Variants in PRDM11 observed in about 807,000 individuals in gnomAD.
The protein encoded by PRDM11 is PR domain-containing protein 11.
Under a neutral mutation model 97.8 loss-of-function variants are expected in PRDM11, and 20 were observed. That is an observed-to-expected ratio of 0.20 (90% confidence interval 0.14 to 0.30). PRDM11 has a LOEUF of 0.30. Ranked by LOEUF, PRDM11 falls within the 10% of genes least tolerant of loss-of-function variation. The pLI is 1.00. For missense variants in PRDM11, 1,139 were observed against 1,555.2 expected (o/e 0.73, Z 4.50); for synonymous variants, 599 against 637.7 (o/e 0.94, Z 0.91).
At chr11:45,172,768 C>T (rs1283046715) in intron 1 of PRDM11, among the ~76,000 whole-genome samples, 1 of 152,178 alleles carries the variant, frequency 6.6e-6, no homozygotes, top group Non-Finnish European at 1.5e-5. Context: ...AGGTTATGTG[C>T]ATATACTATG....
intron 1 of PRDM11, among the ~76,000 whole-genome samples, chr11:45,165,338 A>C (rs7937820): frequency 1.7e-3 from 265 of 152,306 alleles, no homozygotes; most frequent in Non-Finnish European, 3.1e-3. Flanking sequence ...ATATGTATTG[A>C]GCCCTGCCGG....
intron 1 of PRDM11, among the ~76,000 whole-genome samples, chr11:45,137,427 C>T (rs1852889674): frequency 6.7e-6 from 1 of 148,796 alleles, no homozygotes; most frequent in Non-Finnish European, 1.5e-5. Context: ...GAGACTCCGT[C>T]TCAAAAAAAA....
At chr11:45,142,917 T>C (rs757858193), upstream of PRDM11, among the ~76,000 whole-genome samples, 1 of 152,094 alleles carries the variant, frequency 6.6e-6, no homozygotes, top group Non-Finnish European at 1.5e-5. Flanking sequence ...ACATCTTTAA[T>C]AAAAGGCAGA....
chr11:45,226,754 A>G lies in PRDM11; in HGVS notation c.2129A>G (p.Asp710Gly). Residue 710 changes from aspartate (D) to glycine (G), a missense_variant, in exon 8 of 8, where the codon GAC (aspartate) becomes GGC (glycine). By Grantham distance (94) the Asp-to-Gly change is moderately conservative. Transcript: ENST00000683152. ...ACAGAAAGCTATCTCCAGGCACTTGACCGGGCCTTCTCGGCCTTGGGCATC... is the reference window on the plus strand; with the variant it reads ...ACAGAAAGCTATCTCCAGGCACTTGGCCGGGCCTTCTCGGCCTTGGGCATC... ...SSTESYLQAL[D>G]RAFSALGIRL... The G allele has an allele frequency of 6.5e-7, 1 of 1,533,938 alleles. No homozygotes were observed. The highest frequency in any genetic ancestry group is 8.7e-7 in the Non-Finnish European group (1 of 1,146,722).
At chr11:45,183,184 A>AG in intron 4 of PRDM11, 61 bp downstream of exon 4, 1 of 1,547,476 alleles carries the variant, frequency 6.5e-7, no homozygotes, top group Non-Finnish European at 8.7e-7. Flanking sequence ...GGAAACCACC[A>AG]GGGGGAGCCA....
intron 1 of PRDM11, among the ~76,000 whole-genome samples, chr11:45,162,535 G>A (rs1023897296): frequency 4.6e-5 from 7 of 152,160 alleles, no homozygotes; most frequent in African/African-American, 1.7e-4. Flanking sequence ...CACAGGCTTT[G>A]GGTTCTGGCT....
intron 4 of PRDM11, among the ~76,000 whole-genome samples, chr11:45,202,185 C>T (rs1382533323): frequency 6.6e-6 from 1 of 152,184 alleles, no homozygotes; most frequent in East Asian, 1.9e-4. Flanking sequence ...AGTATTCCAC[C>T]ATGTGCCATG....
rs889137176 is a variant in PRDM11, at chr11:45,233,116, T to C, written c.*4957T>C. On this transcript the variant is annotated 3_prime_UTR_variant, in exon 8 of 8. Transcript: ENST00000683152. The stretch of plus-strand genomic sequence containing the variant: ...CTATATATCTATAAATAATATCCTA[T>C]ATATTTATACATTTCTATGTTTTAA... The C allele has an allele frequency of 3.3e-5, 5 of 152,200 alleles. No individual in the cohort carries two copies. The highest frequency in any genetic ancestry group is 9.7e-5 in the African/African-American group (4 of 41,446). 9.4% of individuals were successfully genotyped at this position (152,200 alleles called of 1,614,324 possible).
chr11:45,114,586 C>T (rs1236041480), intron 1 of PRDM11, among the ~76,000 whole-genome samples: 1 of 151,776 alleles, frequency 6.6e-6, no homozygotes, highest in Admixed American at 6.6e-5. Context: ...CTCACTGAAC[C>T]CCAAGAAAGA....
At position 45,154,913 on chromosome 11, in the gene PRDM11, CAG is replaced by C. The variant is rs375894691; in HGVS notation, c.-7+8039_-7+8040del. 1.1e-4 allele frequency among the ~76,000 whole-genome samples: 16 copies of C among 152,322 alleles called. No homozygotes were observed. In the East Asian group the frequency reaches 2.5e-3, roughly 24 times the overall value. The stretch of plus-strand genomic sequence containing the variant: ...CTCTGCACCCCAGTCCTTCTGGAAT[CAG>C]AGCAGAATGGGGACCCCAGAGAGTG... On this transcript the variant is annotated intron_variant, in intron 1 of 7. Coordinates refer to ENST00000683152, the MANE Select transcript of PRDM11 (RefSeq NM_001384648.1).
intron 1 of PRDM11, among the ~76,000 whole-genome samples, chr11:45,171,604 G>A (rs1243217013): frequency 6.6e-6 from 1 of 152,150 alleles, no homozygotes; most frequent in South Asian, 2.1e-4. Flanking sequence ...CACCATCAAG[G>A]CAGATGCTTT....
At chr11:45,159,991 A>G (rs1465836359) in intron 1 of PRDM11, among the ~76,000 whole-genome samples, 1 of 152,002 alleles carries the variant, frequency 6.6e-6, no homozygotes, top group African/African-American at 2.4e-5. Context: ...TGCCCAACCC[A>G]TTTCTTCTTG....
rs1407661956 is a variant in PRDM11, at chr11:45,229,799, TCTG to T, written c.*1644_*1646del. 3 of 152,210 alleles carry T rather than the reference TCTG, an allele frequency of 2.0e-5. No homozygotes were observed. Among genetic ancestry groups the T allele is most frequent in the Non-Finnish European group, 4.4e-5 (3 of 68,038 alleles). The allele number at this position is 152,210 out of a possible 1,614,324, so 9.4% of individuals were successfully genotyped here. ...TCTGAATTATATACATGTGGTCAGTTCTGCTGAGAGCTTCATCTCTTGGTTGGC... is the reference window on the plus strand; with the variant it reads ...TCTGAATTATATACATGTGGTCAGTTCTGAGAGCTTCATCTCTTGGTTGGC... On this transcript the variant is annotated 3_prime_UTR_variant, in exon 8 of 8. Coordinates refer to ENST00000683152, the MANE Select transcript of PRDM11 (RefSeq NM_001384648.1).
chr11:45,119,645 A>C (rs903693639), intron 1 of PRDM11, among the ~76,000 whole-genome samples: 5 of 148,968 alleles, frequency 3.4e-5, no homozygotes, highest in African/African-American at 1.0e-4. Context: ...AAAAAAAAAA[A>C]AAAACACCTG....
intron 5 of PRDM11, among the ~76,000 whole-genome samples, chr11:45,210,201 C>T (rs2135813132): frequency 6.6e-6 from 1 of 152,288 alleles, no homozygotes; most frequent in East Asian, 1.9e-4. Flanking sequence ...CGCTGCCTGC[C>T]CCCACTTTTC....
chr11:45,125,598 C>A (rs1852549999), intron 1 of PRDM11, among the ~76,000 whole-genome samples: 1 of 152,148 alleles, frequency 6.6e-6, no homozygotes, highest in Non-Finnish European at 1.5e-5. Context: ...TTGTTATGTA[C>A]CCAGTAGTCT....
intron 1 of PRDM11, among the ~76,000 whole-genome samples, chr11:45,129,983 G>A (rs1341795725): frequency 6.6e-6 from 1 of 152,100 alleles, no homozygotes; most frequent in East Asian, 1.9e-4. Flanking sequence ...ACACTTACAT[G>A]GTCAACTGAT....
At chr11:45,184,397 G>T (rs1852627768) in intron 4 of PRDM11, among the ~76,000 whole-genome samples, 1 of 152,196 alleles carries the variant, frequency 6.6e-6, no homozygotes, top group Non-Finnish European at 1.5e-5. Context: ...GAGCTCAGGG[G>T]TGCTGGTCAA....
At chr11:45,100,621 C>T (rs1199238930) in intron 1 of PRDM11, among the ~76,000 whole-genome samples, 17 of 152,198 alleles carry the variant, frequency 1.1e-4, no homozygotes, top group Admixed American at 1.1e-3. Context: ...TCCATAGGTC[C>T]GTGGTATGTT....
Sources: allele counts gnomAD v4.1 joint callset (sites outside exome capture counted in the v4.1 genomes callset), GRCh38; gene constraint gnomAD v4.1.1; transcripts MANE v1.5; gene names NCBI Gene and HGNC (gene_info 2026-07-23, HGNC 2026-07-21).